Variants in NUGGC observed in about 807,000 individuals in gnomAD.
The protein encoded by NUGGC is nuclear GTPase SLIP-GC.
A neutral mutation model predicts 92.6 loss-of-function variants in NUGGC; 58 were observed. The ratio of observed to expected loss-of-function variants is 0.63; its 90% confidence interval spans 0.51 to 0.78. NUGGC has a LOEUF of 0.78. NUGGC is among the 30% of genes least tolerant of loss of function. NUGGC has a pLI of 0.00. For synonymous variants in NUGGC, 376 were observed against 366.4 expected (o/e 1.03, Z -0.30); for missense variants, 925 against 964.6 (o/e 0.96, Z 0.54).
Position 28,023,439 on chromosome 8 carries a change from T to C in NUGGC, c.2269A>G (p.Met757Val). The change falls in exon 19 of 19, where the codon ATG becomes GTG. Residue 757 changes from methionine to valine, a missense_variant. Coordinates refer to ENST00000413272, the MANE Select transcript of NUGGC (RefSeq NM_001010906.2). Reference sequence around the variant, plus strand: ...CTCAGGCTTCTGTGCAGCTTCTCCATCTCCTTGTATTCACTCCCGACATCT... The same window carrying C: ...CTCAGGCTTCTGTGCAGCTTCTCCACCTCCTTGTATTCACTCCCGACATCT... ...LADVGSEYKE[M>V]EKLHRSLREV... The C allele has an allele frequency of 6.2e-7, 1 of 1,613,832 alleles. No individual in the cohort carries two copies. Among genetic ancestry groups the C allele is most frequent in the Non-Finnish European group, 8.5e-7 (1 of 1,179,828 alleles).
At position 28,083,816 on chromosome 8, in the gene NUGGC, T is replaced by C. The variant is rs1352754906; in HGVS notation, c.-88A>G. 2 of 151,214 alleles carry C rather than the reference T, an allele frequency of 1.3e-5. No individual in the cohort carries two copies. The highest frequency in any genetic ancestry group is 4.9e-5 in the African/African-American group (2 of 41,154). 9.4% of individuals were successfully genotyped at this position (151,214 alleles called of 1,614,324 possible). On this transcript the variant is annotated 5_prime_UTR_variant, in exon 1 of 19. Coordinates refer to ENST00000413272, the MANE Select transcript of NUGGC (RefSeq NM_001010906.2). Reference sequence around the variant, plus strand: ...GAAAAAAAAAAAAAAAGTTCTGGTTTGGTTACAGGAGTCCACAGAGGAGAT... The same window carrying C: ...GAAAAAAAAAAAAAAAGTTCTGGTTCGGTTACAGGAGTCCACAGAGGAGAT...
chr8:28,070,636 A>G (rs1810567036), intron 2 of NUGGC, among the ~76,000 whole-genome samples: 1 of 150,354 alleles, frequency 6.7e-6, no homozygotes, highest in African/African-American at 2.4e-5. Context: ...TGTGTTGCCC[A>G]GCAGGCCAGA....
In NUGGC at chr8:28,027,025, T is replaced by C. The variant is rs1423707767; in HGVS notation, c.2182A>G (p.Ser728Gly). The C allele has an allele frequency of 1.9e-6, 3 of 1,613,388 alleles. No individual in the cohort carries two copies. Among genetic ancestry groups the C allele is most frequent in the Non-Finnish European group, 1.7e-6 (2 of 1,179,476 alleles). The change falls in exon 18 of 19, where the codon AGC becomes GGC. Residue 728 changes from serine to glycine, a missense_variant. By Grantham distance (56) the Ser-to-Gly change is moderately conservative. Transcript: ENST00000413272. ...KTGIVEKVKGSITTMLALASS... is the reference protein window; with the variant it reads ...KTGIVEKVKGGITTMLALASS... Reference sequence around the variant, plus strand: ...GCAAGGGCCAGCATAGTGGTGATGCTGCCCTTCACCTTCTCCACGATTCCA... The same window carrying C: ...GCAAGGGCCAGCATAGTGGTGATGCCGCCCTTCACCTTCTCCACGATTCCA...
In NUGGC at chr8:28,082,015, C is replaced by A. The variant is rs142982440; in HGVS notation, c.-47+1760G>T. ...ATGAAATTTAGAATTTATTTCCTTT[C>A]TCTTTGAGTTTGGGTTTAGGTTTAA... is the stretch of plus-strand genomic sequence containing the variant. On this transcript the variant is annotated intron_variant, in intron 1 of 18. Transcript: ENST00000413272. Among the ~76,000 whole-genome samples, 120 of 152,154 alleles carry A rather than the reference C, an allele frequency of 7.9e-4. 1 individual carries two copies. The East Asian group carries it at 0.018, about 23-fold the overall frequency.
intron 18 of NUGGC, among the ~76,000 whole-genome samples, chr8:28,024,771 C>G (rs1054229953): frequency 6.6e-6 from 1 of 152,172 alleles, no homozygotes; most frequent in Non-Finnish European, 1.5e-5. Flanking sequence ...CCCTTCTCCC[C>G]ACTGCCTCTG....
In NUGGC at chr8:28,056,532, G is replaced by A. The variant is rs558135318; in HGVS notation, c.1117-478C>T. On this transcript the variant is annotated intron_variant, in intron 9 of 18. Transcript: ENST00000413272. ...CTTGGACTACATGGGTTTGAACTGC[G>A]TAGGTCCACTTATACGTGGATTCTT... Among the ~76,000 whole-genome samples, 18 of 151,102 alleles carry A rather than the reference G, an allele frequency of 1.2e-4. No homozygotes were observed. The South Asian group carries it at 2.9e-3, about 25-fold the overall frequency.
intron 14 of NUGGC, among the ~76,000 whole-genome samples, chr8:28,032,655 T>TTC (rs1050519827): frequency 1.3e-5 from 2 of 149,074 alleles, no homozygotes; most frequent in African/African-American, 5.0e-5. Flanking sequence ...GAGGCAGAGC[T>TTC]TCCAATGAGC....
chr8:28,067,365 A>G, intron 6 of NUGGC, 149 bp downstream of exon 6: 1 of 628,996 alleles, frequency 1.6e-6, no homozygotes, highest in Non-Finnish European at 2.8e-6. Flanking sequence ...TAATGAGGAT[A>G]ACTTGGGCTA....
Position 28,021,978 on chromosome 8 carries a change from G to C in NUGGC, c.*1339C>G, listed in dbSNP as rs1049580757. On this transcript the variant is annotated 3_prime_UTR_variant, in exon 19 of 19. Coordinates refer to ENST00000413272, the MANE Select transcript of NUGGC (RefSeq NM_001010906.2). ...AAAAAACAGAATTGGATTCCTAAAAGCTTTATTTTGCAATGTTTTCCATAA... is the reference window on the plus strand; with the variant it reads ...AAAAAACAGAATTGGATTCCTAAAACCTTTATTTTGCAATGTTTTCCATAA... 3 of 151,974 alleles carry C rather than the reference G, an allele frequency of 2.0e-5. No homozygotes were observed. The highest frequency in any genetic ancestry group is 7.3e-5 in the African/African-American group (3 of 41,352). The allele number at this position is 151,974 out of a possible 1,614,324, so 9.4% of individuals were successfully genotyped here. A position where few individuals can be genotyped will look rare whatever the true frequency, so the allele number is the denominator to read the frequency against.
chr8:28,022,572 T>C lies in NUGGC; in HGVS notation c.*745A>G, dbSNP rs1809144833. On this transcript the variant is annotated 3_prime_UTR_variant, in exon 19 of 19. Transcript: ENST00000413272. The stretch of plus-strand genomic sequence containing the variant: ...AAATAAAATGCAGTAAACATACTAG[T>C]TTTATATTGCATGCAAAGTCCAAAT... 6.6e-6 allele frequency: 1 copy of C among 152,144 alleles called. No homozygotes were observed. The highest frequency in any genetic ancestry group is 1.5e-5 in the Non-Finnish European group (1 of 68,030). 9.4% of individuals were successfully genotyped at this position (152,144 alleles called of 1,614,324 possible). A position where few individuals can be genotyped will look rare whatever the true frequency, so the allele number is the denominator to read the frequency against.
At chr8:28,056,101 A>G in intron 9 of NUGGC, 47 bp from the exon 10 acceptor site, 2 of 1,098,590 alleles carry the variant, frequency 1.8e-6, no homozygotes, top group Middle Eastern at 2.0e-4. Context: ...AGCGTTATCA[A>G]CAGTGATGAG....
Position 28,076,269 on chromosome 8 carries a change from AT to A in NUGGC, c.-46-1814del, listed in dbSNP as rs981017999. 2.8e-3 allele frequency among the ~76,000 whole-genome samples: 431 copies of A among 152,288 alleles called. 4 individuals are homozygous for A. Among genetic ancestry groups the A allele is most frequent in the African/African-American group, 0.01 (418 of 41,562 alleles). Reference sequence around the variant, plus strand: ...TTTTGATGAGATTCCACACCAAAGGATGTTTAAAAGCTAAATTTGTTGTTTT... The same window carrying A: ...TTTTGATGAGATTCCACACCAAAGGAGTTTAAAAGCTAAATTTGTTGTTTT... On this transcript the variant is annotated intron_variant, in intron 1 of 18. Coordinates refer to ENST00000413272, the MANE Select transcript of NUGGC (RefSeq NM_001010906.2).
At chr8:28,035,836 G>A (rs975719751) in intron 13 of NUGGC, among the ~76,000 whole-genome samples, 3 of 152,170 alleles carry the variant, frequency 2.0e-5, no homozygotes, top group Non-Finnish European at 2.9e-5. Flanking sequence ...TTGTTTGTTT[G>A]TTTGTTTTTT....
intron 1 of NUGGC, among the ~76,000 whole-genome samples, chr8:28,080,360 G>A (rs1179779596): frequency 6.6e-6 from 1 of 152,190 alleles, no homozygotes; most frequent in East Asian, 1.9e-4. Flanking sequence ...AAAATTCAAT[G>A]TGTTTATTAC....
At chr8:28,070,504 T>A (rs889385390) in intron 2 of NUGGC, 148 bp from the exon 3 acceptor site, 4 of 559,516 alleles carry the variant, frequency 7.1e-6, no homozygotes, top group Non-Finnish European at 1.3e-5. Flanking sequence ...AGGGATTACA[T>A]GCCTGGGAGG....
At position 28,053,095 on chromosome 8, in the gene NUGGC, A is replaced by T. The variant is rs112615244; in HGVS notation, c.1206+2870T>A. 5.5e-3 allele frequency among the ~76,000 whole-genome samples: 841 copies of T among 152,302 alleles called. 5 individuals carry two copies. The highest frequency in any genetic ancestry group is 0.019 in the African/African-American group (788 of 41,544). On this transcript the variant is annotated intron_variant, in intron 10 of 18. Transcript: ENST00000413272. ...TGCCTATCCCACACCCAGCCAAAAA[A>T]AAAAGTGATGGAAACTCAAAGAATG... is the stretch of plus-strand genomic sequence containing the variant.
chr8:28,036,961 G>A (rs1370725359), intron 13 of NUGGC, among the ~76,000 whole-genome samples: 3 of 152,206 alleles, frequency 2.0e-5, no homozygotes, highest in African/African-American at 4.8e-5. Context: ...GTGCATTAGA[G>A]GATCACCCAC....
intron 9 of NUGGC, among the ~76,000 whole-genome samples, chr8:28,056,981 T>C (rs1262502233): frequency 6.6e-6 from 1 of 152,222 alleles, no homozygotes; most frequent in Non-Finnish European, 1.5e-5. Context: ...ATGATCTCCA[T>C]GTGAACAACT....
chr8:28,034,507 T>C (rs140383785), intron 13 of NUGGC, among the ~76,000 whole-genome samples: 1 of 152,298 alleles, frequency 6.6e-6, no homozygotes, highest in African/African-American at 2.4e-5. Flanking sequence ...CATGAGAATA[T>C]CCCCAAATCA....
Sources: gnomAD v4.1 joint callset for allele counts (sites outside exome capture counted in the v4.1 genomes callset) on GRCh38, gnomAD v4.1.1 for gene constraint, MANE v1.5 for transcripts, NCBI Gene and HGNC (gene_info 2026-07-23, HGNC 2026-07-21) for gene names.